The following SPATA17 variants were observed in gnomAD, a reference collection of about 807,000 sequenced individuals.
SPATA17 encodes spermatogenesis associated 17.
Under a neutral mutation model 62.2 loss-of-function variants are expected in SPATA17, and 53 were observed. The ratio of observed to expected loss-of-function variants is 0.85; its 90% confidence interval spans 0.68 to 1.07. SPATA17 has a LOEUF of 1.07. SPATA17 is among the 50% of genes least tolerant of loss of function. The pLI is 0.00. For missense variants in SPATA17, 466 were observed against 425.5 expected (o/e 1.10, Z -0.84); for synonymous variants, 146 against 146.8 (o/e 0.99, Z 0.04).
At chr1:217,740,778 A>G (rs1672610727) in intron 5 of SPATA17, among the ~76,000 whole-genome samples, 1 of 152,044 alleles carries the variant, frequency 6.6e-6, no homozygotes, top group South Asian at 2.1e-4. Flanking sequence ...CTATTTTCTG[A>G]CTCCTTTTTT....
chr1:217,635,404 T>G (rs1246747760), intron 1 of SPATA17, among the ~76,000 whole-genome samples: 1 of 152,004 alleles, frequency 6.6e-6, no homozygotes, highest in Non-Finnish European at 1.5e-5. Flanking sequence ...AGGTCTTAGG[T>G]AGATTTAAAA....
intron 9 of SPATA17, among the ~76,000 whole-genome samples, chr1:217,856,548 G>A (rs914488465): frequency 3.3e-5 from 5 of 152,122 alleles, no homozygotes; most frequent in African/African-American, 9.7e-5. Flanking sequence ...AAGGAACTTC[G>A]TTTCCTGTTT....
chr1:217,658,540 C>T (rs150863252), intron 3 of SPATA17, among the ~76,000 whole-genome samples: 2,267 of 152,150 alleles, frequency 0.015, 48 homozygotes, highest in African/African-American at 0.045. Context: ...GGGCAGATCA[C>T]GAGGTCAGGA....
chr1:217,777,967 G>C (rs1673633668), intron 7 of SPATA17, among the ~76,000 whole-genome samples: 2 of 152,002 alleles, frequency 1.3e-5, no homozygotes, highest in African/African-American at 4.8e-5. Flanking sequence ...TTTATATTAT[G>C]AATAATTGAA....
intron 8 of SPATA17, among the ~76,000 whole-genome samples, chr1:217,789,550 GT>G: frequency 6.6e-6 from 1 of 152,292 alleles, no homozygotes; most frequent in South Asian, 2.1e-4. Context: ...GCAGGTAAGA[GT>G]TTTTAAAGGC....
At chr1:217,655,323 G>T (rs1343835141) in intron 3 of SPATA17, among the ~76,000 whole-genome samples, 2 of 152,028 alleles carry the variant, frequency 1.3e-5, no homozygotes, top group Non-Finnish European at 2.9e-5. Context: ...TTCAGTGTTG[G>T]ATTCTGGTTA....
chr1:217,844,740 C>G (rs1258177998), intron 9 of SPATA17, among the ~76,000 whole-genome samples: 1 of 152,078 alleles, frequency 6.6e-6, no homozygotes, highest in Non-Finnish European at 1.5e-5. Flanking sequence ...CTAGGAATGC[C>G]TTTCTGTTGC....
chr1:217,780,097 C>T (rs1673698127), intron 7 of SPATA17, among the ~76,000 whole-genome samples: 1 of 151,852 alleles, frequency 6.6e-6, no homozygotes, highest in South Asian at 2.1e-4. Flanking sequence ...GTGAAAGATA[C>T]ACATAGATAT....
intron 4 of SPATA17, among the ~76,000 whole-genome samples, chr1:217,677,416 G>T (rs1385445664): frequency 2.0e-5 from 3 of 151,902 alleles, no homozygotes; most frequent in Non-Finnish European, 1.5e-5. Context: ...ATAATACTAT[G>T]AAGTAAGCAT....
intron 8 of SPATA17, among the ~76,000 whole-genome samples, chr1:217,799,152 CTAAA>C (rs1316785582): frequency 6.6e-6 from 1 of 151,800 alleles, no homozygotes; most frequent in Non-Finnish European, 1.5e-5. Flanking sequence ...TATAAAATAT[CTAAA>C]TATTTTTGAG....
intron 9 of SPATA17, among the ~76,000 whole-genome samples, chr1:217,815,727 A>T (rs1674696345): frequency 6.6e-6 from 1 of 152,210 alleles, no homozygotes; most frequent in Non-Finnish European, 1.5e-5. Flanking sequence ...TTTTAAGAAC[A>T]AAAACAGAGG....
Position 217,640,503 on chromosome 1 carries a change from C to T in SPATA17, c.69-8379C>T, listed in dbSNP as rs190477469. On this transcript the variant is annotated intron_variant, in intron 1 of 10. Coordinates refer to ENST00000366933, the MANE Select transcript of SPATA17 (RefSeq NM_138796.4). ...TAGCATCAAAATGCATGTCATTTGA[C>T]TCAGAACTGTCACTTTTTCTATTGG... Among the ~76,000 whole-genome samples, 90 of 152,196 alleles carry T rather than the reference C, an allele frequency of 5.9e-4. No individual in the cohort carries two copies. The East Asian group carries it at 0.017, about 28-fold the overall frequency.
rs1671409561 is a variant in SPATA17, at chr1:217,694,457, CTG to C, written c.395+11100_395+11101del. On this transcript the variant is annotated intron_variant, in intron 5 of 10. Coordinates refer to ENST00000366933, the MANE Select transcript of SPATA17 (RefSeq NM_138796.4). ...TTGACTCTTTATCCAACTTGCCAGT[CTG>C]TGTCTTTTAATTGGAGAATTTAGTC... Among the ~76,000 whole-genome samples, 3 of 140,916 alleles carry C rather than the reference CTG, an allele frequency of 2.1e-5. No individual in the cohort carries two copies. The Admixed American group carries it at 2.1e-4, about 10-fold the overall frequency. 92.4% of individuals were successfully genotyped at this position (140,916 alleles called of 152,430 possible). A position where few individuals can be genotyped will look rare whatever the true frequency, so the allele number is the denominator to read the frequency against.
In SPATA17 at chr1:217,762,207, C is replaced by T. The variant is rs113270773; in HGVS notation, c.520-12127C>T. ...TCCCTCAGTAACCCCATCCACTTTTCACACCTTTAGCTATTTTTATTTAGA... is the reference window on the plus strand; with the variant it reads ...TCCCTCAGTAACCCCATCCACTTTTTACACCTTTAGCTATTTTTATTTAGA... On this transcript the variant is annotated intron_variant, in intron 6 of 10. Coordinates refer to ENST00000366933, the MANE Select transcript of SPATA17 (RefSeq NM_138796.4). Among the ~76,000 whole-genome samples the T allele has an allele frequency of 2.6e-3, 391 of 152,264 alleles. 2 individuals carry two copies. The highest frequency in any genetic ancestry group is 8.9e-3 in the African/African-American group (370 of 41,564).
chr1:217,864,532 C>T (rs1158652848), intron 10 of SPATA17, among the ~76,000 whole-genome samples: 1 of 151,870 alleles, frequency 6.6e-6, no homozygotes, highest in Non-Finnish European at 1.5e-5. Flanking sequence ...TACATATATA[C>T]ATGTGTGTAT....
intron 5 of SPATA17, among the ~76,000 whole-genome samples, chr1:217,723,505 C>T (rs570261872): frequency 1.6e-4 from 25 of 152,168 alleles, no homozygotes; most frequent in Non-Finnish European, 2.8e-4. Context: ...AATTTTCCTC[C>T]GCTGAATTTA....
At chr1:217,740,942 A>G (rs1392541688) in intron 5 of SPATA17, among the ~76,000 whole-genome samples, 1 of 152,234 alleles carries the variant, frequency 6.6e-6, no homozygotes, top group Non-Finnish European at 1.5e-5. Context: ...TGTGTTTCAT[A>G]AGTAACCTTG....
intron 4 of SPATA17, 109 bp downstream of exon 4, chr1:217,669,192 G>A: frequency 3.4e-6 from 3 of 884,456 alleles, no homozygotes; most frequent in Admixed American, 2.2e-5. Context: ...ATATGCTAAT[G>A]GTAAAGAGAG....
intron 4 of SPATA17, among the ~76,000 whole-genome samples, chr1:217,678,918 CT>C (rs34700529): frequency 2.1e-4 from 31 of 148,864 alleles, no homozygotes; most frequent in South Asian, 1.9e-3. Flanking sequence ...AATCATTTTT[CT>C]TTTTTTTTTG....
Sources: gnomAD v4.1 joint callset for allele counts (sites outside exome capture counted in the v4.1 genomes callset) on GRCh38, gnomAD v4.1.1 for gene constraint, MANE v1.5 for transcripts, NCBI Gene and HGNC (gene_info 2026-07-23, HGNC 2026-07-21) for gene names.